Variants in UFM1 observed in about 807,000 individuals in gnomAD.
UFM1 encodes ubiquitin-fold modifier 1.
In UFM1, 9 loss-of-function variants were observed where a neutral mutation model predicts 15.4. That is an observed-to-expected ratio of 0.59 (90% confidence interval 0.35 to 1.02). The LOEUF (loss-of-function observed/expected upper bound fraction) is 1.02, where lower values mean the gene tolerates loss of function less well. Among genes scored for constraint, UFM1 ranks in the 50% least tolerant of loss-of-function variants. UFM1 has a pLI of 0.02. For synonymous variants in UFM1, 27 were observed against 36.3 expected, an observed-to-expected ratio of 0.74 and a Z score of 0.92; for missense variants, 98 against 104.7, an observed-to-expected ratio of 0.94 and a Z score of 0.28.
At chr13:38,358,832 G>C (rs1879244559) in intron 4 of UFM1, among the ~76,000 whole-genome samples, 1 of 151,866 alleles carries the variant, frequency 6.6e-6, no homozygotes, top group African/African-American at 2.4e-5. Context: ...TTCTCTGTTG[G>C]AAAAAAGCTG....
rs753795103 is a variant in UFM1 at position 38,349,905 on chromosome 13, C to T, written c.-15C>T. 2.5e-6 allele frequency: 4 copies of T among 1,614,132 alleles called. No homozygotes were observed. The East Asian group carries it at 6.7e-5, about 27-fold the overall frequency. On this transcript the variant is annotated 5_prime_UTR_variant, in exon 1 of 6. Transcript: ENST00000239878. The stretch of plus-strand genomic sequence containing the variant: ...GCGGAGTTGTCGTGTGTTCTGGATT[C>T]ATTCCGGCACCACCATGTAAGTGTT...
Position 38,361,359 on chromosome 13 carries a change from A to G in UFM1, c.*581A>G, listed in dbSNP as rs1411108130. 1.3e-5 allele frequency: 2 copies of G among 152,168 alleles called. No homozygotes were observed. Among genetic ancestry groups the G allele is most frequent in the African/African-American group, 4.8e-5 (2 of 41,444 alleles). The allele number at this position is 152,168 out of a possible 1,614,324, so 9.4% of individuals were successfully genotyped here. On this transcript the variant is annotated 3_prime_UTR_variant, in exon 6 of 6. Coordinates refer to ENST00000239878, the MANE Select transcript of UFM1 (RefSeq NM_016617.4). The stretch of plus-strand genomic sequence containing the variant: ...AGTTTAATATCAACCAAAAAATTAA[A>G]ATTTTAATCTAACCCTTATGTGTAT...
intron 3 of UFM1, among the ~76,000 whole-genome samples, chr13:38,356,701 CA>C (rs35105286): frequency 0.034 from 3,635 of 107,840 alleles, 49 homozygotes; most frequent in African/African-American, 0.059. Context: ...TTAGTACCAC[CA>C]AAAAAAAAAA....
intron 2 of UFM1, among the ~76,000 whole-genome samples, chr13:38,352,332 C>T (rs1878898311): frequency 1.3e-5 from 2 of 151,964 alleles, no homozygotes; most frequent in South Asian, 4.1e-4. Flanking sequence ...CTCCTGACCT[C>T]GTGATCTGCC....
rs572523144 is a variant in UFM1 at position 38,358,146 on chromosome 13, AT to A, written c.157+15del. ...TTATTACCAATGGTAAGAATTCACT[AT>A]AAAATTATGTATTACCTCAAATTTA... On this transcript the variant is annotated intron_variant, in intron 4 of 5. Transcript: ENST00000239878. 203 of 1,443,608 alleles carry A rather than the reference AT, an allele frequency of 1.4e-4. No individual in the cohort carries two copies. In the African/African-American group the frequency reaches 2.7e-3, roughly 19 times the overall value. 89.4% of individuals were successfully genotyped at this position (1,443,608 alleles called of 1,614,324 possible).
Position 38,360,691 on chromosome 13 carries a change from T to C in UFM1, c.191-20T>C. On this transcript the variant is annotated intron_variant, in intron 5 of 5. Coordinates refer to ENST00000239878, the MANE Select transcript of UFM1 (RefSeq NM_016617.4). Reference sequence around the variant, plus strand: ...CTTGATTTTTAGATATCTAACTTTATGTTTTGTTTGTTTGTATAGGAAATG... The same window carrying C: ...CTTGATTTTTAGATATCTAACTTTACGTTTTGTTTGTTTGTATAGGAAATG... 6.4e-7 allele frequency: 1 copy of C among 1,562,020 alleles called. No individual in the cohort carries two copies.
intron 2 of UFM1, 65 bp downstream of exon 2, chr13:38,350,120 C>G: frequency 1.2e-6 from 2 of 1,614,186 alleles, no homozygotes; most frequent in Non-Finnish European, 1.7e-6. Flanking sequence ...TGGGGATGAT[C>G]CGAGCTTTTC....
intron 5 of UFM1, 104 bp downstream of exon 5, chr13:38,359,437 TG>T: frequency 7.6e-7 from 1 of 1,320,886 alleles, no homozygotes; most frequent in Non-Finnish European, 1.1e-6. Context: ...TTTAACATAA[TG>T]GAGCTGTTTT....
intron 5 of UFM1, 129 bp downstream of exon 5, chr13:38,359,462 A>G (rs41292241): frequency 2.3e-6 from 2 of 879,214 alleles, no homozygotes; most frequent in South Asian, 1.6e-5. Context: ...GGGATTATAT[A>G]CCAGTCTTTA....
chr13:38,358,588 TAATC>T (rs768482833), intron 4 of UFM1, among the ~76,000 whole-genome samples: 1 of 151,954 alleles, frequency 6.6e-6, no homozygotes, highest in African/African-American at 2.4e-5. Flanking sequence ...GGAACACTGA[TAATC>T]AATGATGATG....
chr13:38,362,689 C>T lies in UFM1; in HGVS notation c.*1911C>T, dbSNP rs565189579. 7.2e-5 allele frequency: 11 copies of T among 152,102 alleles called. No homozygotes were observed. The highest frequency in any genetic ancestry group is 2.6e-4 in the African/African-American group (11 of 41,540). The allele number at this position is 152,102 out of a possible 1,614,324, so 9.4% of individuals were successfully genotyped here. ...TTAGTTAAGCAGGAATTTATGAACA[C>T]CCATTTCCTGACTTTTTGCTTTAAT... On this transcript the variant is annotated 3_prime_UTR_variant, in exon 6 of 6. Coordinates refer to ENST00000239878, the MANE Select transcript of UFM1 (RefSeq NM_016617.4).
intron 2 of UFM1, among the ~76,000 whole-genome samples, chr13:38,353,645 AG>A (rs1878963390): frequency 6.6e-6 from 1 of 152,122 alleles, no homozygotes; most frequent in Non-Finnish European, 1.5e-5. Flanking sequence ...CATTTTACTT[AG>A]CCCACTTTAA....
chr13:38,355,601 C>A (rs74047551), intron 3 of UFM1, among the ~76,000 whole-genome samples: 1,643 of 151,726 alleles, frequency 0.011, 27 homozygotes, highest in African/African-American at 0.03. Context: ...TCTTAACATA[C>A]AGTAGTGAAT....
In UFM1 at chr13:38,361,001, T is replaced by TG. The variant is rs1879354146; in HGVS notation, c.*224dup. On this transcript the variant is annotated 3_prime_UTR_variant, in exon 6 of 6. Coordinates refer to ENST00000239878, the MANE Select transcript of UFM1 (RefSeq NM_016617.4). ...TGTCACAGAAGATCATAGTCTTTGA[T>TG]GCTACCTCACAACACAAACAGGTAG... is the stretch of plus-strand genomic sequence containing the variant. 5.2e-6 allele frequency: 2 copies of TG among 387,188 alleles called. No homozygotes were observed. The highest frequency in any genetic ancestry group is 4.2e-5 in the African/African-American group (2 of 48,174). The allele number at this position is 387,188 out of a possible 1,614,324, so 24.0% of individuals were successfully genotyped here. A position where few individuals can be genotyped will look rare whatever the true frequency, so the allele number is the denominator to read the frequency against.
chr13:38,359,469 T>A, intron 5 of UFM1, 136 bp downstream of exon 5: 1 of 839,808 alleles, frequency 1.2e-6, no homozygotes, highest in Non-Finnish European at 1.9e-6. Context: ...TATACCAGTC[T>A]TTACCTGTGT....
chr13:38,351,692 C>T (rs192073498), intron 2 of UFM1, among the ~76,000 whole-genome samples: 1 of 152,120 alleles, frequency 6.6e-6, no homozygotes, highest in Non-Finnish European at 1.5e-5. Context: ...CAAATGTACT[C>T]GAAAGAGAGC....
chr13:38,349,876 C>G lies in UFM1; in HGVS notation c.-44C>G. 1 of 1,614,084 alleles carries G rather than the reference C, an allele frequency of 6.2e-7. No individual in the cohort carries two copies. The highest frequency in any genetic ancestry group is 8.5e-7 in the Non-Finnish European group (1 of 1,180,034). On this transcript the variant is annotated 5_prime_UTR_variant, in exon 1 of 6. Coordinates refer to ENST00000239878, the MANE Select transcript of UFM1 (RefSeq NM_016617.4). ...AGCACACTAGAGGAAGTCGTGCTAC[C>G]CCCGCGGAGTTGTCGTGTGTTCTGG... is the stretch of plus-strand genomic sequence containing the variant.
chr13:38,358,948 G>C (rs549312719), intron 4 of UFM1, among the ~76,000 whole-genome samples: 1 of 152,134 alleles, frequency 6.6e-6, no homozygotes, highest in Non-Finnish European at 1.5e-5. Context: ...ACAATACGAA[G>C]ATGATTCATG....
At chr13:38,353,080 T>C (rs73460277) in intron 2 of UFM1, among the ~76,000 whole-genome samples, 1 of 152,322 alleles carries the variant, frequency 6.6e-6, no homozygotes, top group East Asian at 1.9e-4. Context: ...GTAAAAATGA[T>C]ACCCATTTTC....
Sources: allele counts gnomAD v4.1 joint callset (sites outside exome capture counted in the v4.1 genomes callset), GRCh38; gene constraint gnomAD v4.1.1; transcripts MANE v1.5; gene names NCBI Gene and HGNC (gene_info 2026-07-23, HGNC 2026-07-21).